The following HSPH1 variants were observed in gnomAD, a reference collection of about 807,000 sequenced individuals.
The protein encoded by HSPH1 is heat shock protein family H (Hsp110) member 1.
A neutral mutation model predicts 100.0 loss-of-function variants in HSPH1; 40 were observed. That is an observed-to-expected ratio of 0.40 (90% CI 0.31 to 0.52). HSPH1 has a LOEUF of 0.52. Among genes scored for constraint, HSPH1 ranks in the 20% least tolerant of loss-of-function variants. The pLI, the probability that HSPH1 is intolerant of heterozygous loss-of-function variation, is 0.54. For missense variants in HSPH1, 876 were observed against 1,015.1 expected, an observed-to-expected ratio of 0.86 and a Z score of 1.86; for synonymous variants, 403 against 344.0, an observed-to-expected ratio of 1.17 and a Z score of -1.90.
intron 8 of HSPH1, among the ~76,000 whole-genome samples, 192 bp downstream of exon 8, chr13:31,149,762 T>C (rs1956414275): frequency 6.6e-6 from 1 of 152,198 alleles, no homozygotes; most frequent in African/African-American, 2.4e-5. Context: ...ACCAGCTTGG[T>C]AGTTCTTTCA....
intron 1 of HSPH1, among the ~76,000 whole-genome samples, chr13:31,161,157 C>T (rs912539885): frequency 4.6e-5 from 7 of 152,212 alleles, no homozygotes; most frequent in Non-Finnish European, 1.0e-4. Flanking sequence ...AAGTTGCGGG[C>T]TTTGCCGCAG....
rs1360934095 is a variant in HSPH1, at chr13:31,136,637, A to C, written c.*681T>G. 6.6e-6 allele frequency: 1 copy of C among 152,594 alleles called. No homozygotes were observed. Among genetic ancestry groups the C allele is most frequent in the Non-Finnish European group, 1.5e-5 (1 of 68,020 alleles). 9.5% of individuals were successfully genotyped at this position (152,594 alleles called of 1,614,324 possible). On this transcript the variant is annotated 3_prime_UTR_variant, in exon 18 of 18. Transcript: ENST00000320027. ...ACAAAATCAACAGTTTAGAAATGAC[A>C]CCATAAGATGAACTTTATTTTAAAG...
At chr13:31,144,748 A>G (rs1956211472) in intron 11 of HSPH1, among the ~76,000 whole-genome samples, 1 of 152,176 alleles carries the variant, frequency 6.6e-6, no homozygotes, top group South Asian at 2.1e-4. Context: ...GGCATTCCTG[A>G]TATCCAAAAG....
intron 8 of HSPH1, among the ~76,000 whole-genome samples, chr13:31,149,338 C>T (rs2137594953): frequency 6.6e-6 from 1 of 152,198 alleles, no homozygotes; most frequent in East Asian, 1.9e-4. Context: ...CTGCTACTAG[C>T]TTAAAACTCA....
chr13:31,143,806 G>T lies in HSPH1; in HGVS notation c.1702C>A (p.Pro568Thr). 6.2e-7 allele frequency: 1 copy of T among 1,608,392 alleles called. No homozygotes were observed. The highest frequency in any genetic ancestry group is 8.5e-7 in the Non-Finnish European group (1 of 1,177,132). Residue 568 changes from proline (P) to threonine (T), a missense_variant, in exon 12 of 18, where the codon CCA becomes ACA. Transcript: ENST00000320027. ...GAGTCACTCACTTTGTCAGCATCTG[G>T]GATTTTGTTTTCTTCTGAGGTAAGT... ...PELTSEENKI[P>T]DADKANEKKV...
Position 31,138,425 on chromosome 13 carries a change from T to C in HSPH1, c.2352A>G (p.Glu784=). ...LDQDPVVRAQ[E]IKTKIKELNN... is the part of the protein sequence containing the mutation. ...CACTCACCTTGATTTTTGTTTTAAT[T>C]TCCTGAGCACGTACAACTGGATCCT... Residue 784 remains glutamate (E), a synonymous_variant, in exon 17 of 18, where the codon GAA becomes GAG. Coordinates refer to ENST00000320027, the MANE Select transcript of HSPH1 (RefSeq NM_006644.4). 6.2e-7 allele frequency: 1 copy of C among 1,612,806 alleles called. No homozygotes were observed. Among genetic ancestry groups the C allele is most frequent in the Non-Finnish European group, 8.5e-7 (1 of 1,179,204 alleles).
intron 13 of HSPH1, 65 bp from the exon 14 acceptor site, chr13:31,140,374 T>C (rs1956045985): frequency 3.3e-6 from 5 of 1,494,534 alleles, no homozygotes; most frequent in African/African-American, 2.8e-5. Context: ...TCTAAATATG[T>C]AGACTCTGGG....
Position 31,135,769 on chromosome 13 carries a change from G to C in HSPH1, c.*1549C>G, listed in dbSNP as rs1348011140. On this transcript the variant is annotated 3_prime_UTR_variant, in exon 18 of 18. Coordinates refer to ENST00000320027, the MANE Select transcript of HSPH1 (RefSeq NM_006644.4). ...GTGTTACTAAACCTCATAGTTTGAA[G>C]ATATTACTCCGTGATGTGTGGAGCA... 6.6e-6 allele frequency: 1 copy of C among 152,224 alleles called. No homozygotes were observed. The highest frequency in any genetic ancestry group is 1.5e-5 in the Non-Finnish European group (1 of 68,038). The allele number at this position is 152,224 out of a possible 1,614,324, so 9.4% of individuals were successfully genotyped here.
At chr13:31,149,871 C>CT in intron 8 of HSPH1, 83 bp downstream of exon 8, 15 of 1,081,848 alleles carry the variant, frequency 1.4e-5, no homozygotes, top group Non-Finnish European at 2.1e-5. Context: ...ACACAGGTCT[C>CT]TGTTTATTAT....
chr13:31,140,168 G>A lies in HSPH1; in HGVS notation c.1980+16C>T. On this transcript the variant is annotated intron_variant, in intron 14 of 17. Coordinates refer to ENST00000320027, the MANE Select transcript of HSPH1 (RefSeq NM_006644.4). ...ATATGAGACTATCTGAACAAAAACA[G>A]AGCTCTAAGACATACCTGCTCACAT... The A allele has an allele frequency of 1.2e-6, 2 of 1,600,042 alleles. No individual in the cohort carries two copies. The highest frequency in any genetic ancestry group is 1.7e-6 in the Non-Finnish European group (2 of 1,171,574).
intron 1 of HSPH1, among the ~76,000 whole-genome samples, chr13:31,160,087 T>A (rs563664193): frequency 6.6e-6 from 1 of 152,334 alleles, no homozygotes; most frequent in African/African-American, 2.4e-5. Flanking sequence ...TTCAGGGCCA[T>A]ACCTGTTGTC....
At chr13:31,159,573 G>T (rs1231410860) in intron 1 of HSPH1, among the ~76,000 whole-genome samples, 2 of 152,198 alleles carry the variant, frequency 1.3e-5, no homozygotes, top group East Asian at 3.9e-4. Context: ...CAATAACAGA[G>T]CAGAGACTAG....
chr13:31,142,550 T>A (rs575905095), intron 12 of HSPH1, among the ~76,000 whole-genome samples: 1 of 151,992 alleles, frequency 6.6e-6, no homozygotes, highest in Non-Finnish European at 1.5e-5. Context: ...GGGAAACAAA[T>A]GGATAACAGC....
In HSPH1 at chr13:31,138,409, T is replaced by C. The variant is rs1337893081; in HGVS notation, c.2368A>G (p.Lys790Glu). ...VRAQEIKTKI[K>E]ELNNTCEPVV... ...AAACACGAGACAGTAACACTCACCT[T>C]GATTTTTGTTTTAATTTCCTGAGCA... The change falls in exon 17 of 18, where the codon AAG becomes GAG. Residue 790 changes from lysine (K) to glutamate (E), a missense_variant and splice_region_variant. Physicochemically the swap from Lys to Glu is moderately conservative, Grantham distance 56. Coordinates refer to ENST00000320027, the MANE Select transcript of HSPH1 (RefSeq NM_006644.4). 6.2e-7 allele frequency: 1 copy of C among 1,612,534 alleles called. No homozygotes were observed. The highest frequency in any genetic ancestry group is 2.2e-5 in the East Asian group (1 of 44,860).
Position 31,140,325 on chromosome 13 carries a change from A to G in HSPH1, c.1855-16T>C, listed in dbSNP as rs1258871770. On this transcript the variant is annotated splice_polypyrimidine_tract_variant and intron_variant, in intron 13 of 17. Coordinates refer to ENST00000320027, the MANE Select transcript of HSPH1 (RefSeq NM_006644.4). Reference sequence around the variant, plus strand: ...TCATCTTACCCTGTCAGGAAACAGGAAAGGTTAATTCCAGTCTTCTAGTTA... The same window carrying G: ...TCATCTTACCCTGTCAGGAAACAGGGAAGGTTAATTCCAGTCTTCTAGTTA... 1 of 1,605,488 alleles carries G rather than the reference A, an allele frequency of 6.2e-7. No individual in the cohort carries two copies. Among genetic ancestry groups the G allele is most frequent in the Non-Finnish European group, 8.5e-7 (1 of 1,176,504 alleles).
Position 31,135,629 on chromosome 13 carries a change from C to T in HSPH1, c.*1689G>A, listed in dbSNP as rs1452250622. ...AAGCACCTATCAGACGTACAAATGA[C>T]GAGCTACCTGGTCTAGATGGAATGA... On this transcript the variant is annotated 3_prime_UTR_variant, in exon 18 of 18. Coordinates refer to ENST00000320027, the MANE Select transcript of HSPH1 (RefSeq NM_006644.4). 6.6e-6 allele frequency: 1 copy of T among 152,168 alleles called. No individual in the cohort carries two copies. The highest frequency in any genetic ancestry group is 1.5e-5 in the Non-Finnish European group (1 of 68,028). The allele number at this position is 152,168 out of a possible 1,614,324, so 9.4% of individuals were successfully genotyped here.
intron 10 of HSPH1, among the ~76,000 whole-genome samples, chr13:31,147,362 A>G (rs1956300667): frequency 1.3e-5 from 2 of 152,154 alleles, no homozygotes; most frequent in Admixed American, 1.3e-4. Flanking sequence ...TTTATTTATG[A>G]AAAGGTGTGA....
chr13:31,149,994 A>G lies in HSPH1; in HGVS notation c.1097T>C (p.Leu366Pro). 1 of 1,613,780 alleles carries G rather than the reference A, an allele frequency of 6.2e-7. No homozygotes were observed. The highest frequency in any genetic ancestry group is 8.5e-7 in the Non-Finnish European group (1 of 1,179,762). The change falls in exon 8 of 18, where the codon CTC becomes CCC. Residue 366 changes from leucine to proline, a missense_variant. Physicochemically the swap from Leu to Pro is moderately conservative, Grantham distance 98. Coordinates refer to ENST00000320027, the MANE Select transcript of HSPH1 (RefSeq NM_006644.4). Reference sequence around the variant, plus strand: ...TCTGGCTACTGCTTCATCTGCATTGAGTGTTGTGCTAATATCTTTTCCAAA... The same window carrying G: ...TCTGGCTACTGCTTCATCTGCATTGGGTGTTGTGCTAATATCTTTTCCAAA... ...KFFGKDISTTLNADEAVARGC... is the reference protein window; with the variant it reads ...KFFGKDISTTPNADEAVARGC...
rs749145751 is a variant in HSPH1 at position 31,137,072 on chromosome 13, G to A, written c.*246C>T. ...TTTCATCCTCAGTGATGCAAATGGT[G>A]AGACTGCACAGAAAGCTTAGTATGA... On this transcript the variant is annotated 3_prime_UTR_variant, in exon 18 of 18. Coordinates refer to ENST00000320027, the MANE Select transcript of HSPH1 (RefSeq NM_006644.4). 3 of 651,962 alleles carry A rather than the reference G, an allele frequency of 4.6e-6. No homozygotes were observed. The highest frequency in any genetic ancestry group is 2.6e-4 in the Middle Eastern group (1 of 3,818). The allele number at this position is 651,962 out of a possible 1,614,324, so 40.4% of individuals were successfully genotyped here. A position where few individuals can be genotyped will look rare whatever the true frequency, so the allele number is the denominator to read the frequency against.
Sources: gnomAD v4.1 joint callset for allele counts (sites outside exome capture counted in the v4.1 genomes callset) on GRCh38, gnomAD v4.1.1 for gene constraint, MANE v1.5 for transcripts, NCBI Gene and HGNC (gene_info 2026-07-23, HGNC 2026-07-21) for gene names.